GALNTL6: variants seen among roughly 807,000 people sequenced by gnomAD.
The protein encoded by GALNTL6 is polypeptide N-acetylgalactosaminyltransferase like 6.
In GALNTL6, 46 loss-of-function variants were observed where a neutral mutation model predicts 73.7. That is an observed-to-expected ratio of 0.62 (90% CI 0.49 to 0.80). GALNTL6 has a LOEUF of 0.80. Ranked by LOEUF, GALNTL6 falls within the 30% of genes least tolerant of loss-of-function variation. The pLI is 0.00. For missense variants in GALNTL6, 604 were observed against 755.0 expected, an observed-to-expected ratio of 0.80 and a Z score of 2.34; for synonymous variants, 259 against 263.7, an observed-to-expected ratio of 0.98 and a Z score of 0.17.
intron 2 of GALNTL6, among the ~76,000 whole-genome samples, chr4:171,907,788 A>C (rs1277812990): frequency 1.6e-4 from 25 of 151,650 alleles, no homozygotes; most frequent in Admixed American, 6.6e-5. Context: ...TACTGTTACC[A>C]AAACAGAGAT....
chr4:172,703,275 ATCTTAGAAGAAAGGC>A (rs11274671), intron 5 of GALNTL6, among the ~76,000 whole-genome samples: 6,888 of 152,030 alleles, frequency 0.045, 310 homozygotes, highest in African/African-American at 0.11. Flanking sequence ...CTTGTTCCAG[ATCTTAGAAGAAAGGC>A]TTTCAATTAT....
At chr4:172,869,498 C>T (rs1402908374) in intron 7 of GALNTL6, among the ~76,000 whole-genome samples, 2 of 152,170 alleles carry the variant, frequency 1.3e-5, no homozygotes, top group African/African-American at 4.8e-5. Flanking sequence ...AAAGTGTATG[C>T]AGAGGTGGGA....
intron 3 of GALNTL6, among the ~76,000 whole-genome samples, chr4:172,279,910 C>T (rs762460798): frequency 6.6e-5 from 10 of 152,160 alleles, no homozygotes; most frequent in South Asian, 6.2e-4. Flanking sequence ...GAGGAACCCA[C>T]GTCCTGTCAC....
chr4:172,469,454 A>T (rs1458789254), intron 5 of GALNTL6, among the ~76,000 whole-genome samples: 2 of 151,704 alleles, frequency 1.3e-5, no homozygotes, highest in African/African-American at 2.4e-5. Context: ...AAAAATAAAA[A>T]AAAAAAATAG....
rs1035996009 is a variant in GALNTL6 at position 172,857,347 on chromosome 4, C to T, written c.924-25443C>T. ...TCATCTTCAGCTTTTGGCCTGAACA[C>T]GGGCCACATCATTAAAGCCCTATGT... On this transcript the variant is annotated intron_variant, in intron 7 of 12. Transcript: ENST00000506823. 7.2e-5 allele frequency among the ~76,000 whole-genome samples: 11 copies of T among 152,224 alleles called. No homozygotes were observed. The East Asian group carries it at 1.5e-3, about 21-fold the overall frequency.
chr4:172,033,372 C>T (rs910100314), intron 2 of GALNTL6, among the ~76,000 whole-genome samples: 13 of 151,774 alleles, frequency 8.6e-5, no homozygotes, highest in Non-Finnish European at 1.9e-4. Flanking sequence ...GGCTATCAGG[C>T]CATTTTTTAA....
chr4:172,781,272 G>A (rs765392645), intron 5 of GALNTL6, among the ~76,000 whole-genome samples: 1 of 152,108 alleles, frequency 6.6e-6, no homozygotes, highest in Non-Finnish European at 1.5e-5. Flanking sequence ...AGTAAGATAC[G>A]TTGTAATGAA....
At chr4:172,553,754 T>A (rs1470615856) in intron 5 of GALNTL6, among the ~76,000 whole-genome samples, 2 of 152,154 alleles carry the variant, frequency 1.3e-5, no homozygotes, top group Non-Finnish European at 2.9e-5. Context: ...TGCCTTATTA[T>A]GATATTTTGT....
intron 2 of GALNTL6, among the ~76,000 whole-genome samples, chr4:171,992,130 G>A (rs1286232259): frequency 1.3e-5 from 2 of 152,080 alleles, no homozygotes; most frequent in Non-Finnish European, 2.9e-5. Context: ...TCTTTTCAGT[G>A]GAAAGCAGTG....
rs762841975 is a variant in GALNTL6, at chr4:172,818,849, A to G, written c.923+5126A>G. On this transcript the variant is annotated intron_variant, in intron 7 of 12. Transcript: ENST00000506823. ...CCTGACCTCATGATCTGCCCGCCTT[A>G]GCCTCCCAAAGTGTTGGGATTACAG... 3.3e-5 allele frequency among the ~76,000 whole-genome samples: 5 copies of G among 152,306 alleles called. No homozygotes were observed. The East Asian group carries it at 9.7e-4, about 29-fold the overall frequency.
At chr4:172,141,994 A>G (rs1733816317) in intron 2 of GALNTL6, among the ~76,000 whole-genome samples, 1 of 151,910 alleles carries the variant, frequency 6.6e-6, no homozygotes, top group African/African-American at 2.4e-5. Context: ...TTGCTGAAAG[A>G]ATCAGTGTAC....
intron 12 of GALNTL6, among the ~76,000 whole-genome samples, chr4:173,026,531 C>T (rs912050555): frequency 9.8e-5 from 15 of 152,378 alleles, no homozygotes; most frequent in Admixed American, 9.1e-4. Context: ...GGGCCATGCT[C>T]AGGGTACAGG....
At chr4:172,953,176 T>C (rs1191306247) in intron 10 of GALNTL6, among the ~76,000 whole-genome samples, 1 of 152,206 alleles carries the variant, frequency 6.6e-6, no homozygotes, top group Admixed American at 6.5e-5. Flanking sequence ...AAAAGCTAAA[T>C]AGCCCCAGGT....
At chr4:172,223,966 C>G (rs552209478) in intron 2 of GALNTL6, among the ~76,000 whole-genome samples, 2 of 152,182 alleles carry the variant, frequency 1.3e-5, no homozygotes, top group South Asian at 4.2e-4. Context: ...ATGCCTAATA[C>G]AAGAATCATA....
intron 5 of GALNTL6, among the ~76,000 whole-genome samples, chr4:172,752,487 A>T (rs1737483274): frequency 6.6e-6 from 1 of 152,110 alleles, no homozygotes; most frequent in African/African-American, 2.4e-5. Context: ...CATAATAATT[A>T]TTTATAATAA....
chr4:171,920,315 G>A (rs2110977431), intron 2 of GALNTL6, among the ~76,000 whole-genome samples: 1 of 151,936 alleles, frequency 6.6e-6, no homozygotes, highest in South Asian at 2.1e-4. Flanking sequence ...CACCAACGTG[G>A]CACATGTATA....
chr4:172,165,978 A>AC (rs2110804895), intron 2 of GALNTL6, among the ~76,000 whole-genome samples: 1 of 152,344 alleles, frequency 6.6e-6, no homozygotes, highest in South Asian at 2.1e-4. Flanking sequence ...GCATTAAAAA[A>AC]ATAAATTCTG....
chr4:172,796,789 G>C (rs1425382324), intron 5 of GALNTL6, among the ~76,000 whole-genome samples: 1 of 148,136 alleles, frequency 6.8e-6, no homozygotes, highest in Non-Finnish European at 1.5e-5. Context: ...TTAAGAACGG[G>C]GAGTTTCCGT....
intron 2 of GALNTL6, among the ~76,000 whole-genome samples, chr4:171,917,322 T>C (rs1737660155): frequency 1.3e-5 from 2 of 151,864 alleles, no homozygotes; most frequent in African/African-American, 4.8e-5. Flanking sequence ...GGCAGGTTGC[T>C]CCCTGCTGAC....
Sources: allele counts gnomAD v4.1 joint callset (sites outside exome capture counted in the v4.1 genomes callset), GRCh38; gene constraint gnomAD v4.1.1; transcripts MANE v1.5; gene names NCBI Gene and HGNC (gene_info 2026-07-23, HGNC 2026-07-21).